VOPP1: variants seen among roughly 807,000 people sequenced by gnomAD.
VOPP1 encodes VOPP1 WW domain binding protein.
A neutral mutation model predicts 23.5 loss-of-function variants in VOPP1; 8 were observed. The ratio of observed to expected loss-of-function variants is 0.34; its 90% CI spans 0.20 to 0.61. VOPP1 has a LOEUF of 0.61. Ranked by LOEUF, VOPP1 falls within the 20% of genes least tolerant of loss-of-function variation. The pLI is 0.78. For synonymous variants in VOPP1, 83 were observed against 97.3 expected, an observed-to-expected ratio of 0.85 and a Z score of 0.86; for missense variants, 174 against 238.1, an observed-to-expected ratio of 0.73 and a Z score of 1.77.
At chr7:55,436,653 T>TGG (rs1790835287) in intron 4 of VOPP1, among the ~76,000 whole-genome samples, 3 of 140,222 alleles carry the variant, frequency 2.1e-5, no homozygotes, top group East Asian at 2.1e-4. Context: ...TGCGTGGGTG[T>TGG]GTGTGCGTGT....
intron 4 of VOPP1, among the ~76,000 whole-genome samples, chr7:55,447,409 G>A (rs1242217071): frequency 2.0e-5 from 3 of 152,178 alleles, no homozygotes; most frequent in Non-Finnish European, 4.4e-5. Flanking sequence ...GAGGACTCTG[G>A]TGTTGCTTGG....
intron 2 of VOPP1, among the ~76,000 whole-genome samples, chr7:55,516,843 T>C (rs1795441858): frequency 6.8e-6 from 1 of 147,356 alleles, no homozygotes; most frequent in Non-Finnish European, 1.5e-5. Context: ...TCTTAGCACT[T>C]TACCCAGGTG....
intron 4 of VOPP1, among the ~76,000 whole-genome samples, chr7:55,475,143 T>A (rs1792137226): frequency 6.6e-6 from 1 of 151,970 alleles, no homozygotes; most frequent in South Asian, 2.1e-4. Context: ...TTTGTAAGGA[T>A]GGAAACGCTT....
chr7:55,485,747 C>T (rs996952534), intron 4 of VOPP1, among the ~76,000 whole-genome samples: 3 of 152,176 alleles, frequency 2.0e-5, no homozygotes, highest in Non-Finnish European at 4.4e-5. Flanking sequence ...GCAGGTTGGA[C>T]GTGTTAGGCA....
intron 2 of VOPP1, among the ~76,000 whole-genome samples, chr7:55,520,639 G>C (rs1329101075): frequency 2.0e-5 from 3 of 152,354 alleles, no homozygotes; most frequent in African/African-American, 4.8e-5. Context: ...GGCGATCATT[G>C]TGATTTCCTA....
intron 4 of VOPP1, among the ~76,000 whole-genome samples, chr7:55,459,952 A>C (rs1343637696): frequency 1.3e-5 from 2 of 152,040 alleles, no homozygotes; most frequent in Non-Finnish European, 2.9e-5. Context: ...GAGGTGTATC[A>C]CTAGGCTGTT....
At chr7:55,528,225 A>T (rs988133220) in intron 1 of VOPP1, among the ~76,000 whole-genome samples, 1 of 152,214 alleles carries the variant, frequency 6.6e-6, no homozygotes, top group Non-Finnish European at 1.5e-5. Flanking sequence ...ATAAAATAGT[A>T]CATCTAGAAT....
chr7:55,523,616 C>G (rs1584023338), intron 1 of VOPP1, among the ~76,000 whole-genome samples: 1 of 152,266 alleles, frequency 6.6e-6, no homozygotes, highest in East Asian at 1.9e-4. Context: ...TTGCCAGCTC[C>G]CCAAAACTTT....
chr7:55,552,738 G>A (rs1187120680), intron 1 of VOPP1: 1 of 1,534,416 alleles, frequency 6.5e-7, no homozygotes, highest in African/African-American at 1.4e-5. Flanking sequence ...TCGCCAGGTT[G>A]CCGGCACACG....
intron 2 of VOPP1, among the ~76,000 whole-genome samples, chr7:55,498,517 A>G (rs1794140238): frequency 6.6e-6 from 1 of 152,184 alleles, no homozygotes; most frequent in South Asian, 2.1e-4. Flanking sequence ...TTGAAGAGAG[A>G]AGATGCCATG....
intron 4 of VOPP1, among the ~76,000 whole-genome samples, chr7:55,479,573 G>T (rs1243474340): frequency 1.3e-5 from 2 of 152,020 alleles, no homozygotes; most frequent in South Asian, 2.1e-4. Flanking sequence ...TAATAGTTTT[G>T]TTTCTCCTTC....
intron 1 of VOPP1, among the ~76,000 whole-genome samples, chr7:55,566,682 T>C (rs1238245053): frequency 1.3e-5 from 2 of 152,266 alleles, no homozygotes; most frequent in African/African-American, 4.8e-5. Flanking sequence ...TTTTTTCCAC[T>C]TTGACTAGGA....
intron 4 of VOPP1, among the ~76,000 whole-genome samples, chr7:55,475,070 G>A (rs944340867): frequency 6.6e-6 from 1 of 152,246 alleles, no homozygotes; most frequent in African/African-American, 2.4e-5. Flanking sequence ...TCCAGGGTGT[G>A]GGTGAAGACT....
intron 1 of VOPP1, among the ~76,000 whole-genome samples, chr7:55,553,352 T>C (rs1398700125): frequency 6.6e-6 from 1 of 152,140 alleles, no homozygotes; most frequent in Non-Finnish European, 1.5e-5. Flanking sequence ...AAAACCTCTT[T>C]AAGGGGACTG....
intron 1 of VOPP1, among the ~76,000 whole-genome samples, chr7:55,536,387 G>A (rs546372456): frequency 5.9e-5 from 9 of 152,244 alleles, no homozygotes; most frequent in Middle Eastern, 3.4e-3. Flanking sequence ...AAATTAGCCC[G>A]GTGTGGTGGC....
At chr7:55,561,572 G>A (rs1797987191) in intron 1 of VOPP1, among the ~76,000 whole-genome samples, 1 of 151,910 alleles carries the variant, frequency 6.6e-6, no homozygotes, top group South Asian at 2.1e-4. Flanking sequence ...AAGTGGGCGT[G>A]CTGGTGGGCA....
At chr7:55,523,517 C>G (rs1795998652) in intron 1 of VOPP1, among the ~76,000 whole-genome samples, 1 of 152,152 alleles carries the variant, frequency 6.6e-6, no homozygotes, top group South Asian at 2.1e-4. Flanking sequence ...TCTCGGCAAG[C>G]CTGGCTGCTG....
At chr7:55,439,626 G>A (rs1790915704) in intron 4 of VOPP1, among the ~76,000 whole-genome samples, 1 of 152,248 alleles carries the variant, frequency 6.6e-6, no homozygotes, top group African/African-American at 2.4e-5. Flanking sequence ...CAAGGGCCTG[G>A]GGGCTGGTGT....
chr7:55,452,902 C>T (rs927875431), intron 4 of VOPP1, among the ~76,000 whole-genome samples: 1 of 152,240 alleles, frequency 6.6e-6, no homozygotes, highest in Admixed American at 6.5e-5. Context: ...GCACTGGCTT[C>T]AACTTAGCTC....
Sources: allele counts gnomAD v4.1 joint callset (sites outside exome capture counted in the v4.1 genomes callset), GRCh38; gene constraint gnomAD v4.1.1; transcripts MANE v1.5; gene names NCBI Gene and HGNC (gene_info 2026-07-23, HGNC 2026-07-21).